Variants in FDXR observed in about 807,000 individuals in gnomAD.
FDXR encodes NADPH:adrenodoxin oxidoreductase, mitochondrial.
FDXR carries 38 observed loss-of-function variants against 58.3 expected under a neutral mutation model. The observed-to-expected ratio is 0.65, with a 90% confidence interval of 0.50 to 0.85. FDXR has a LOEUF of 0.85. Ranked by LOEUF, FDXR falls within the 40% of genes least tolerant of loss-of-function variation. The pLI is 0.00. For missense variants in FDXR, 624 were observed against 671.0 expected (o/e 0.93, Z 0.77); for synonymous variants, 275 against 273.8 (o/e 1.00, Z -0.04).
Position 74,872,342 on chromosome 17 carries a change from C to A in FDXR, c.80-209G>T, listed in dbSNP as rs1185601125. On this transcript the variant is annotated intron_variant, in intron 1 of 11. Coordinates refer to ENST00000293195, the MANE Select transcript of FDXR (RefSeq NM_024417.5). ...CTGTGGGTTCATCCAGAGCCCACAT[C>A]TCACCCATGAACCTACTACACCACT... 2.1e-6 allele frequency: 3 copies of A among 1,427,494 alleles called. No individual in the cohort carries two copies. In the South Asian group the frequency reaches 3.7e-5, roughly 18 times the overall value. 88.4% of individuals were successfully genotyped at this position (1,427,494 alleles called of 1,614,324 possible).
rs1286209195 is a variant in FDXR at position 74,864,333 on chromosome 17, T to TCGGG, written c.813_816dup (p.Arg273ProfsTer61). The TCGGG allele has an allele frequency of 1.3e-6, 2 of 1,575,788 alleles. No individual in the cohort carries two copies. Among genetic ancestry groups the TCGGG allele is most frequent in the African/African-American group, 2.7e-5 (2 of 73,550 alleles). ...AGCAGCAGTTCCGTCAGCCGCTTCC[T>TCGGG]CGGGCGGGGGACCTCTGTCAGCAAC... On this transcript the variant is annotated frameshift_variant, in exon 9 of 12. Coordinates refer to ENST00000293195, the MANE Select transcript of FDXR (RefSeq NM_024417.5). LOFTEE classifies it high-confidence loss of function.
At chr17:74,865,876 C>T (rs923464301) in intron 5 of FDXR, 56 bp from the exon 6 acceptor site, 48 of 1,366,664 alleles carry the variant, frequency 3.5e-5, no homozygotes, top group Non-Finnish European at 4.6e-5. Context: ...CAGTTCATCT[C>T]AGTCTGCAGG....
rs552432 is a variant in FDXR at position 74,864,131 on chromosome 17, G to C, written c.1002+17C>G. On this transcript the variant is annotated intron_variant, in intron 9 of 11. Coordinates refer to ENST00000293195, the MANE Select transcript of FDXR (RefSeq NM_024417.5). ...GAGGCCTGGGAAGGGGGTGTCTTTGGGAAACATGAGACTCACCTCCAGTCT... is the reference window on the plus strand; with the variant it reads ...GAGGCCTGGGAAGGGGGTGTCTTTGCGAAACATGAGACTCACCTCCAGTCT... 3.7e-6 allele frequency: 6 copies of C among 1,612,674 alleles called. No individual in the cohort carries two copies. The highest frequency in any genetic ancestry group is 5.1e-6 in the Non-Finnish European group (6 of 1,179,940).
At chr17:74,872,792 C>G (rs2038416597) in intron 1 of FDXR, 74 bp downstream of exon 1, 1 of 1,539,156 alleles carries the variant, frequency 6.5e-7, no homozygotes, top group Non-Finnish European at 8.7e-7. Context: ...TGCCCCAGCT[C>G]TGCTCCGACC....
At position 74,869,221 on chromosome 17, in the gene FDXR, G is replaced by C. The variant is rs142332417; in HGVS notation, c.178-2345C>G. 2.2e-4 allele frequency among the ~76,000 whole-genome samples: 33 copies of C among 152,336 alleles called. No individual in the cohort carries two copies. The East Asian group carries it at 6.2e-3, about 28-fold the overall frequency. On this transcript the variant is annotated intron_variant, in intron 2 of 11. Transcript: ENST00000293195. ...CCAGTGAAGCCAACCATCTACAGCT[G>C]TGGGCACAAGAATCCTTCGGGGTGT...
At chr17:74,868,400 C>T (rs1387112891) in intron 2 of FDXR, 3 of 703,250 alleles carry the variant, frequency 4.3e-6, no homozygotes, top group African/African-American at 3.5e-5. Flanking sequence ...GCAACCTACT[C>T]TGAGTGTTCA....
At chr17:74,872,733 G>C (rs1383083862) in intron 1 of FDXR, 133 bp downstream of exon 1, 2 of 1,522,928 alleles carry the variant, frequency 1.3e-6, no homozygotes, top group Admixed American at 4.0e-5. Flanking sequence ...ACACCACCGG[G>C]ATCTCGCCAG....
chr17:74,862,896 A>G lies in FDXR; in HGVS notation c.1397T>C (p.Val466Ala). 6.8e-6 allele frequency: 11 copies of G among 1,613,056 alleles called. No individual in the cohort carries two copies. The highest frequency in any genetic ancestry group is 9.3e-6 in the Non-Finnish European group (11 of 1,179,980). The change falls in exon 12 of 12, where the codon GTG becomes GCG. Residue 466 changes from valine (V) to alanine (A), a missense_variant. By Grantham distance (64) the Val-to-Ala change is moderately conservative. Transcript: ENST00000293195. ...SDWEKLDAEE[V>A]ARGQGTGKPR... ...CTTCCCCGTGCCCTGGCCCCGGGCC[A>G]CCTCCTCGGCATCCAGCTTCTCCCA... is the stretch of plus-strand genomic sequence containing the variant.
chr17:74,864,220 G>A lies in FDXR; in HGVS notation c.930C>T (p.Ser310=), dbSNP rs1330348991. Reference sequence around the variant, plus strand: ...CTGGTGAGGGCAGCACCTGCTGGGGGCTTCGGAAAAAGCGGAGGCCCCAGG... The same window carrying A: ...CTGGTGAGGGCAGCACCTGCTGGGGACTTCGGAAAAAGCGGAGGCCCCAGG... ...SRAWGLRFFR[S]PQQVLPSPDG... is the part of the protein sequence containing the mutation. Residue 310 remains serine, a synonymous_variant, in exon 9 of 12, where the codon AGC becomes AGT. Coordinates refer to ENST00000293195, the MANE Select transcript of FDXR (RefSeq NM_024417.5). 1.2e-6 allele frequency: 2 copies of A among 1,608,796 alleles called. No homozygotes were observed. The highest frequency in any genetic ancestry group is 2.7e-5 in the African/African-American group (2 of 74,862).
intron 2 of FDXR, among the ~76,000 whole-genome samples, chr17:74,867,333 AGAC>A (rs1389714627): frequency 6.7e-6 from 1 of 149,520 alleles, no homozygotes; most frequent in Non-Finnish European, 1.5e-5. Flanking sequence ...AAAAAAAAAA[AGAC>A]GACGACGGCC....
chr17:74,868,217 ATGT>A (rs2038259755), intron 2 of FDXR: 2 of 471,036 alleles, frequency 4.2e-6, no homozygotes, highest in East Asian at 3.6e-5. Flanking sequence ...AAGCCCCACG[ATGT>A]TGTACCCACA....
At chr17:74,866,399 C>T in intron 4 of FDXR, 47 bp downstream of exon 4, 1 of 1,606,094 alleles carries the variant, frequency 6.2e-7, no homozygotes, top group African/African-American at 1.3e-5. Context: ...CCACCGGCCT[C>T]CTTCTGCAGC....
chr17:74,871,104 C>A (rs926953698), intron 2 of FDXR, among the ~76,000 whole-genome samples: 1 of 152,170 alleles, frequency 6.6e-6, no homozygotes, highest in Non-Finnish European at 1.5e-5. Flanking sequence ...GGGCTTCCGG[C>A]CCAGGAAACA....
At chr17:74,867,905 A>T (rs2038247337) in intron 2 of FDXR, among the ~76,000 whole-genome samples, 1 of 151,668 alleles carries the variant, frequency 6.6e-6, no homozygotes, top group African/African-American at 2.4e-5. Context: ...GGATGGTGAG[A>T]CTCTGGGCCA....
In FDXR at chr17:74,863,071, C is replaced by T. The variant is rs758652613; in HGVS notation, c.1345+5G>A. The stretch of plus-strand genomic sequence containing the variant: ...CTCCCAGGACCTCAGCATCGGGGCC[C>T]AGACCTCGGCTGCTGAGCAGGGCCT... On this transcript the variant is annotated splice_donor_5th_base_variant and intron_variant, in intron 11 of 11. Transcript: ENST00000293195. 9 of 1,610,064 alleles carry T rather than the reference C, an allele frequency of 5.6e-6. No individual in the cohort carries two copies. In the East Asian group the frequency reaches 1.8e-4, roughly 32 times the overall value.
At chr17:74,869,854 A>G in intron 2 of FDXR, 1 of 417,478 alleles carries the variant, frequency 2.4e-6, no homozygotes, top group South Asian at 1.6e-5. Flanking sequence ...ATTAACATGG[A>G]TGGCCTCACA....
intron 2 of FDXR, among the ~76,000 whole-genome samples, chr17:74,871,654 G>A (rs537274343): frequency 1.5e-4 from 23 of 152,192 alleles, no homozygotes; most frequent in South Asian, 2.1e-4. Flanking sequence ...TACAGAAAGC[G>A]GAGGAGGTGG....
chr17:74,865,917 G>C (rs2038163019), intron 5 of FDXR, 97 bp from the exon 6 acceptor site: 10 of 1,038,396 alleles, frequency 9.6e-6, no homozygotes, highest in African/African-American at 1.6e-5. Flanking sequence ...CTGTGCCCTG[G>C]GGCTTCCCCA....
chr17:74,865,581 G>C, intron 6 of FDXR, 138 bp downstream of exon 6: 1 of 613,598 alleles, frequency 1.6e-6, no homozygotes, highest in Admixed American at 2.6e-5. Flanking sequence ...CCTTCAGAGA[G>C]CCTCTGCCTG....
Sources: gnomAD v4.1 joint callset for allele counts (sites outside exome capture counted in the v4.1 genomes callset) on GRCh38, gnomAD v4.1.1 for gene constraint, MANE v1.5 for transcripts, NCBI Gene and HGNC (gene_info 2026-07-23, HGNC 2026-07-21) for gene names.